The following RIMS1 variants were observed in gnomAD, a reference collection of about 807,000 sequenced individuals.
RIMS1 encodes the protein regulating synaptic membrane exocytosis protein 1.
In RIMS1, 83 loss-of-function variants were observed where a neutral mutation model predicts 214.1. The ratio of observed to expected loss-of-function variants is 0.39; its 90% CI spans 0.32 to 0.47. The LOEUF (loss-of-function observed/expected upper bound fraction) is 0.47. RIMS1 is among the 20% of genes least tolerant of loss of function. The pLI is 0.99. For missense variants in RIMS1, 2,050 were observed against 2,161.8 expected, an observed-to-expected ratio of 0.95 and a Z score of 1.03; for synonymous variants, 793 against 786.8, an observed-to-expected ratio of 1.01 and a Z score of -0.13.
chr6:71,953,756 T>G (rs1790353920), intron 1 of RIMS1, among the ~76,000 whole-genome samples: 1 of 152,132 alleles, frequency 6.6e-6, no homozygotes. Context: ...TCAAACCACT[T>G]AGGGCTGAGT....
intron 29 of RIMS1, among the ~76,000 whole-genome samples, chr6:72,360,519 C>A (rs1161131033): frequency 6.6e-6 from 1 of 152,036 alleles, no homozygotes. Flanking sequence ...GGAAACTGAG[C>A]AATTTCCACT....
intron 23 of RIMS1, among the ~76,000 whole-genome samples, chr6:72,276,189 TG>T (rs531211760): frequency 6.6e-6 from 1 of 152,138 alleles, no homozygotes; most frequent in Non-Finnish European, 1.5e-5. Flanking sequence ...CATTCCAGCC[TG>T]GGCAACAGAG....
At chr6:72,071,555 A>G (rs1241792562) in intron 2 of RIMS1, among the ~76,000 whole-genome samples, 2 of 152,216 alleles carry the variant, frequency 1.3e-5, no homozygotes, top group Non-Finnish European at 2.9e-5. Context: ...ATGTTTGCAT[A>G]AATAAAACAA....
intron 29 of RIMS1, among the ~76,000 whole-genome samples, chr6:72,388,598 G>A (rs1447292596): frequency 2.6e-5 from 4 of 152,332 alleles, no homozygotes; most frequent in South Asian, 2.1e-4. Context: ...GACACTAGCT[G>A]TACGGGTATG....
chr6:72,050,778 T>C (rs1824419547), intron 2 of RIMS1, among the ~76,000 whole-genome samples: 1 of 152,156 alleles, frequency 6.6e-6, no homozygotes, highest in Admixed American at 6.5e-5. Flanking sequence ...GTAAGGTTTA[T>C]GTGGTAGACT....
intron 29 of RIMS1, among the ~76,000 whole-genome samples, chr6:72,334,275 T>C (rs1416113583): frequency 6.6e-6 from 1 of 151,836 alleles, no homozygotes; most frequent in Admixed American, 6.6e-5. Flanking sequence ...ACTGTATAAA[T>C]ATAATAATTG....
intron 1 of RIMS1, among the ~76,000 whole-genome samples, chr6:71,895,673 CA>C (rs70994105): frequency 0.17 from 11,160 of 64,210 alleles, 223 homozygotes; most frequent in African/African-American, 0.21. Context: ...GACTCCCTCT[CA>C]AAAAAAAAAA....
At chr6:72,027,013 TGAA>T (rs1191599995) in intron 2 of RIMS1, among the ~76,000 whole-genome samples, 2 of 152,142 alleles carry the variant, frequency 1.3e-5, no homozygotes, top group Non-Finnish European at 2.9e-5. Flanking sequence ...GTGAGAAAAA[TGAA>T]GAACAATACA....
At chr6:71,915,301 C>A (rs1778027103) in intron 1 of RIMS1, among the ~76,000 whole-genome samples, 1 of 151,996 alleles carries the variant, frequency 6.6e-6, no homozygotes, top group Non-Finnish European at 1.5e-5. Context: ...TCACTTTTAT[C>A]TCCACTTTCC....
chr6:72,005,451 C>G (rs1027423966), intron 2 of RIMS1, among the ~76,000 whole-genome samples: 4 of 152,138 alleles, frequency 2.6e-5, no homozygotes, highest in Non-Finnish European at 5.9e-5. Context: ...TTCTTTACCC[C>G]TTAGGAACTA....
At chr6:72,075,863 A>G (rs1423710978) in intron 2 of RIMS1, among the ~76,000 whole-genome samples, 2 of 152,186 alleles carry the variant, frequency 1.3e-5, no homozygotes, top group African/African-American at 4.8e-5. Flanking sequence ...ATTAAATAGT[A>G]AGAATTGTTT....
chr6:72,210,967 C>G, intron 6 of RIMS1, among the ~76,000 whole-genome samples: 1 of 152,046 alleles, frequency 6.6e-6, no homozygotes, highest in East Asian at 1.9e-4. Flanking sequence ...GCCGACTGTC[C>G]CTTGAAGACC....
intron 16 of RIMS1, among the ~76,000 whole-genome samples, chr6:72,256,904 GA>G (rs2076101202): frequency 6.6e-6 from 1 of 151,842 alleles, no homozygotes; most frequent in African/African-American, 2.4e-5. Flanking sequence ...TACCATTTAT[GA>G]ATATTAAACA....
chr6:72,334,763 C>T (rs926988680), intron 29 of RIMS1, among the ~76,000 whole-genome samples: 2 of 151,786 alleles, frequency 1.3e-5, no homozygotes, highest in Admixed American at 1.3e-4. Flanking sequence ...TGGAAAGTAC[C>T]TATTTTAAAT....
intron 28 of RIMS1, among the ~76,000 whole-genome samples, chr6:72,319,025 A>G (rs948006402): frequency 2.0e-5 from 3 of 151,554 alleles, no homozygotes; most frequent in African/African-American, 7.3e-5. Flanking sequence ...CATTTTTTAA[A>G]ATTTTTTTTT....
At chr6:72,334,305 T>A (rs763598474) in intron 29 of RIMS1, among the ~76,000 whole-genome samples, 1 of 151,860 alleles carries the variant, frequency 6.6e-6, no homozygotes, top group African/African-American at 2.4e-5. Flanking sequence ...TGCTATAGTT[T>A]CAATGTAAGT....
intron 22 of RIMS1, among the ~76,000 whole-genome samples, chr6:72,267,477 ATTTTAATTTT>A (rs547675530): frequency 1.1e-3 from 162 of 152,296 alleles, no homozygotes; most frequent in African/African-American, 3.9e-3. Flanking sequence ...GATTAAGTTA[ATTTTAATTTT>A]TAACCCTGTA....
intron 2 of RIMS1, among the ~76,000 whole-genome samples, chr6:72,040,329 G>A (rs1254293238): frequency 6.6e-6 from 1 of 151,972 alleles, no homozygotes; most frequent in Non-Finnish European, 1.5e-5. Flanking sequence ...TAAAGTGAAA[G>A]CAATAACAGG....
intron 2 of RIMS1, among the ~76,000 whole-genome samples, chr6:72,046,314 G>C (rs1823026464): frequency 6.6e-6 from 1 of 152,148 alleles, no homozygotes; most frequent in Non-Finnish European, 1.5e-5. Flanking sequence ...AGGGGAGTGA[G>C]ATAGGGTAGA....
Sources: gnomAD v4.1 joint callset for allele counts (sites outside exome capture counted in the v4.1 genomes callset) on GRCh38, gnomAD v4.1.1 for gene constraint, MANE v1.5 for transcripts, NCBI Gene and HGNC (gene_info 2026-07-23, HGNC 2026-07-21) for gene names.